NHLH1: variants seen among roughly 807,000 people sequenced by gnomAD.
NHLH1 encodes nescient helix-loop-helix 1.
In NHLH1, 3 loss-of-function variants were observed where a neutral mutation model predicts 6.7. The observed-to-expected ratio is 0.44, with a 90% CI of 0.20 to 1.15. The LOEUF (loss-of-function observed/expected upper bound fraction) is 1.15. Among genes scored for constraint, NHLH1 ranks in the 50% most tolerant of loss-of-function variants. The pLI is 0.26. For missense variants in NHLH1, 177 were observed against 189.5 expected (o/e 0.93, Z 0.39); for synonymous variants, 92 against 84.2 (o/e 1.09, Z -0.51).
Position 160,367,113 on chromosome 1 carries a change from T to C in NHLH1, c.-400T>C, listed in dbSNP as rs975671283. 2 of 152,768 alleles carry C rather than the reference T, an allele frequency of 1.3e-5. No individual in the cohort carries two copies. Among genetic ancestry groups the C allele is most frequent in the Non-Finnish European group, 2.9e-5 (2 of 68,638 alleles). The allele number at this position is 152,768 out of a possible 1,614,324, so 9.5% of individuals were successfully genotyped here. On this transcript the variant is annotated 5_prime_UTR_variant, in exon 1 of 2. Coordinates refer to ENST00000302101, the MANE Select transcript of NHLH1 (RefSeq NM_005598.4). ...TGTGTGTGAGTGTGGCTGGCCCCAGTACCTGGCCAAGCCCACCACTTCCAC... is the reference window on the plus strand; with the variant it reads ...TGTGTGTGAGTGTGGCTGGCCCCAGCACCTGGCCAAGCCCACCACTTCCAC...
chr1:160,368,078 T>G (rs1194338343), intron 1 of NHLH1, among the ~76,000 whole-genome samples: 1 of 152,188 alleles, frequency 6.6e-6, no homozygotes, highest in African/African-American at 2.4e-5. Context: ...TTCATAGCTG[T>G]TTGTTGGCTT....
chr1:160,369,584 C>T (rs904176147), intron 1 of NHLH1, among the ~76,000 whole-genome samples: 2 of 152,082 alleles, frequency 1.3e-5, no homozygotes, highest in African/African-American at 4.8e-5. Context: ...ACATCCTTGC[C>T]AAGACTTATT....
Position 160,370,895 on chromosome 1 carries a change from G to C in NHLH1, c.164G>C (p.Arg55Pro). 1.2e-6 allele frequency: 2 copies of C among 1,606,796 alleles called. No homozygotes were observed. Among genetic ancestry groups the C allele is most frequent in the Non-Finnish European group, 8.5e-7 (1 of 1,176,664 alleles). Residue 55 changes from arginine (R) to proline (P), a missense_variant, in exon 2 of 2, where the codon CGG becomes CCG. By Grantham distance (103) the Arg-to-Pro change is moderately radical (BLOSUM62 -2). Coordinates refer to ENST00000302101, the MANE Select transcript of NHLH1 (RefSeq NM_005598.4). ...ARGPEPGEPG[R>P]KDLQHLSREE... The stretch of plus-strand genomic sequence containing the variant: ...GGCCCAGAGCCGGGAGAGCCTGGCC[G>C]GAAAGACCTGCAGCATCTGAGCCGC...
At chr1:160,368,751 G>A (rs1226728615) in intron 1 of NHLH1, among the ~76,000 whole-genome samples, 1 of 152,168 alleles carries the variant, frequency 6.6e-6, no homozygotes, top group East Asian at 1.9e-4. Context: ...ATTCTACAAT[G>A]GGCAATCTGT....
chr1:160,372,773 CTGTG>C lies in NHLH1; in HGVS notation c.*1643_*1646del, dbSNP rs757778141. 6.0e-6 allele frequency: 1 copy of C among 166,140 alleles called. No homozygotes were observed. Among genetic ancestry groups the C allele is most frequent in the Non-Finnish European group, 1.5e-5 (1 of 68,104 alleles). The allele number at this position is 166,140 out of a possible 1,614,324, so 10.3% of individuals were successfully genotyped here. A position where few individuals can be genotyped will look rare whatever the true frequency, so the allele number is the denominator to read the frequency against. On this transcript the variant is annotated 3_prime_UTR_variant, in exon 2 of 2. Coordinates refer to ENST00000302101, the MANE Select transcript of NHLH1 (RefSeq NM_005598.4). The stretch of plus-strand genomic sequence containing the variant: ...CCCCAGGGGTCTGTGTCACATATCT[CTGTG>C]TGATTCCTTCTGGTTGCATCCCCAA...
At chr1:160,368,165 G>A (rs1169043475) in intron 1 of NHLH1, among the ~76,000 whole-genome samples, 4 of 152,200 alleles carry the variant, frequency 2.6e-5, no homozygotes, top group African/African-American at 9.7e-5. Context: ...GTATCTATCA[G>A]ACAGGAAAGC....
At chr1:160,367,409 A>T (rs979468530) in intron 1 of NHLH1, 72 bp downstream of exon 1, 2 of 152,170 alleles carry the variant, frequency 1.3e-5, no homozygotes, top group African/African-American at 4.8e-5. Flanking sequence ...CCCTTCCTAG[A>T]GCCTCCCTCT....
At chr1:160,369,455 A>G (rs1649571466) in intron 1 of NHLH1, among the ~76,000 whole-genome samples, 1 of 152,216 alleles carries the variant, frequency 6.6e-6, no homozygotes, top group Non-Finnish European at 1.5e-5. Context: ...ACCCAGAGGT[A>G]GGATTCCTGG....
At position 160,370,598 on chromosome 1, in the gene NHLH1, G is replaced by C. The variant is rs1239723562; in HGVS notation, c.-134G>C. Reference sequence around the variant, plus strand: ...CTGACCATGGAACCCTGAAGTGGCAGTGACTTCTAGAGCTCAGTGGCAGAC... The same window carrying C: ...CTGACCATGGAACCCTGAAGTGGCACTGACTTCTAGAGCTCAGTGGCAGAC... On this transcript the variant is annotated 5_prime_UTR_variant, in exon 2 of 2. Coordinates refer to ENST00000302101, the MANE Select transcript of NHLH1 (RefSeq NM_005598.4). 1.3e-5 allele frequency: 10 copies of C among 775,418 alleles called. No individual in the cohort carries two copies. Among genetic ancestry groups the C allele is most frequent in the Non-Finnish European group, 2.1e-5 (10 of 484,614 alleles). The allele number at this position is 775,418 out of a possible 1,614,324, so 48.0% of individuals were successfully genotyped here. A position where few individuals can be genotyped will look rare whatever the true frequency, so the allele number is the denominator to read the frequency against.
Position 160,371,397 on chromosome 1 carries a change from T to A in NHLH1, c.*264T>A. The A allele has an allele frequency of 2.3e-6, 1 of 440,162 alleles. No individual in the cohort carries two copies. Among genetic ancestry groups the A allele is most frequent in the South Asian group, 4.2e-5 (1 of 24,060 alleles). 27.3% of individuals were successfully genotyped at this position (440,162 alleles called of 1,614,324 possible). A position where few individuals can be genotyped will look rare whatever the true frequency, so the allele number is the denominator to read the frequency against. ...GAATTGTTTGCTAGTGTGGTTGGTATGGAATCCTTGCTGGCTTTACTAAGC... is the reference window on the plus strand; with the variant it reads ...GAATTGTTTGCTAGTGTGGTTGGTAAGGAATCCTTGCTGGCTTTACTAAGC... On this transcript the variant is annotated 3_prime_UTR_variant, in exon 2 of 2. Transcript: ENST00000302101.
Position 160,370,617 on chromosome 1 carries a change from G to A in NHLH1, c.-115G>A. On this transcript the variant is annotated 5_prime_UTR_variant, in exon 2 of 2. Transcript: ENST00000302101. Reference sequence around the variant, plus strand: ...GTGGCAGTGACTTCTAGAGCTCAGTGGCAGACCCCACGACCCTTCCTCCCC... The same window carrying A: ...GTGGCAGTGACTTCTAGAGCTCAGTAGCAGACCCCACGACCCTTCCTCCCC... 1.0e-6 allele frequency: 1 copy of A among 988,994 alleles called. No homozygotes were observed. The highest frequency in any genetic ancestry group is 1.6e-5 in the South Asian group (1 of 62,022). 61.3% of individuals were successfully genotyped at this position (988,994 alleles called of 1,614,324 possible). A position where few individuals can be genotyped will look rare whatever the true frequency, so the allele number is the denominator to read the frequency against.
Position 160,370,921 on chromosome 1 carries a change from G to T in NHLH1, c.190G>T (p.Glu64Ter). 1.9e-6 allele frequency: 3 copies of T among 1,608,460 alleles called. No homozygotes were observed. Among genetic ancestry groups the T allele is most frequent in the Non-Finnish European group, 1.7e-6 (2 of 1,177,132 alleles). Residue 64 changes from glutamate (E) to a stop codon, truncating the protein, a stop_gained, in exon 2 of 2, where the codon GAG becomes TAG. Transcript: ENST00000302101. LOFTEE classifies it high-confidence loss of function. Reference sequence around the variant, plus strand: ...GAAAGACCTGCAGCATCTGAGCCGCGAGGAGCGCCGGCGCCGGCGCCGCGC... The same window carrying T: ...GAAAGACCTGCAGCATCTGAGCCGCTAGGAGCGCCGGCGCCGGCGCCGCGC... ...GRKDLQHLSR[E>*]ERRRRRRATA...
chr1:160,369,924 G>C (rs11265377), intron 1 of NHLH1, among the ~76,000 whole-genome samples: 92,013 of 151,872 alleles, frequency 0.61, 28,786 homozygotes, highest in African/African-American at 0.77. Context: ...CTCATTTCAC[G>C]CCCCTCCCAA....
Position 160,370,919 on chromosome 1 carries a change from G to T in NHLH1, c.188G>T (p.Arg63Leu). The T allele has an allele frequency of 6.2e-7, 1 of 1,607,770 alleles. No homozygotes were observed. ...CGGAAAGACCTGCAGCATCTGAGCC[G>T]CGAGGAGCGCCGGCGCCGGCGCCGC... ...PGRKDLQHLS[R>L]EERRRRRRAT... Residue 63 changes from arginine (R) to leucine (L), a missense_variant, in exon 2 of 2, where the codon CGC becomes CTC. Transcript: ENST00000302101.
In NHLH1 at chr1:160,371,061, G is replaced by A. The variant is rs1450875255; in HGVS notation, c.330G>A (p.Lys110=). The A allele has an allele frequency of 1.9e-6, 3 of 1,614,074 alleles. No homozygotes were observed. The highest frequency in any genetic ancestry group is 1.7e-5 in the Admixed American group (1 of 60,000). The part of the protein sequence containing the change: ...KLLPTLPPDK[K]LSKIEILRLA... ...TGCCTACGCTGCCCCCCGACAAGAAGCTCTCCAAGATTGAGATTCTGCGCC... is the reference window on the plus strand; with the variant it reads ...TGCCTACGCTGCCCCCCGACAAGAAACTCTCCAAGATTGAGATTCTGCGCC... Residue 110 remains lysine (K), a synonymous_variant, in exon 2 of 2, where the codon AAG becomes AAA. Coordinates refer to ENST00000302101, the MANE Select transcript of NHLH1 (RefSeq NM_005598.4).
At chr1:160,369,623 G>A (rs1649578097) in intron 1 of NHLH1, among the ~76,000 whole-genome samples, 1 of 152,036 alleles carries the variant, frequency 6.6e-6, no homozygotes, top group Non-Finnish European at 1.5e-5. Flanking sequence ...TGTTTTTATA[G>A]TAGCCATCCT....
chr1:160,370,992 C>T lies in NHLH1; in HGVS notation c.261C>T (p.Arg87=). 1 of 1,613,954 alleles carries T rather than the reference C, an allele frequency of 6.2e-7. No individual in the cohort carries two copies. The highest frequency in any genetic ancestry group is 8.5e-7 in the Non-Finnish European group (1 of 1,179,916). The change falls in exon 2 of 2, where the codon CGC becomes CGT. Residue 87 remains arginine (R), a synonymous_variant. Coordinates refer to ENST00000302101, the MANE Select transcript of NHLH1 (RefSeq NM_005598.4). ...CCCACGCCACGCGAGAACGCATCCG[C>T]GTGGAAGCCTTCAACCTGGCCTTCG... ...RTAHATRERI[R]VEAFNLAFAE...
intron 1 of NHLH1, among the ~76,000 whole-genome samples, chr1:160,369,059 G>C (rs1292969142): frequency 1.3e-5 from 2 of 152,092 alleles, no homozygotes; most frequent in Non-Finnish European, 2.9e-5. Flanking sequence ...TTTTCATCCT[G>C]CAAATGTATA....
chr1:160,371,364 G>T lies in NHLH1; in HGVS notation c.*231G>T. 2 of 586,106 alleles carry T rather than the reference G, an allele frequency of 3.4e-6. No homozygotes were observed. Among genetic ancestry groups the T allele is most frequent in the Non-Finnish European group, 5.7e-6 (2 of 350,866 alleles). The allele number at this position is 586,106 out of a possible 1,614,324, so 36.3% of individuals were successfully genotyped here. On this transcript the variant is annotated 3_prime_UTR_variant, in exon 2 of 2. Coordinates refer to ENST00000302101, the MANE Select transcript of NHLH1 (RefSeq NM_005598.4). ...TTCCGGGGTTTATTGCTGAGGCCCA[G>T]CTGTGCAGAATTGTTTGCTAGTGTG... is the stretch of plus-strand genomic sequence containing the variant.
Sources: allele counts gnomAD v4.1 joint callset (sites outside exome capture counted in the v4.1 genomes callset), GRCh38; gene constraint gnomAD v4.1.1; transcripts MANE v1.5; gene names NCBI Gene and HGNC (gene_info 2026-07-23, HGNC 2026-07-21).